Variants in SEMA3A observed in about 807,000 individuals in gnomAD.
SEMA3A encodes semaphorin-3A.
A neutral mutation model predicts 97.9 loss-of-function variants in SEMA3A; 29 were observed. That is an observed-to-expected ratio of 0.30 (90% CI 0.22 to 0.40). SEMA3A has a LOEUF of 0.40. Ranked by LOEUF, SEMA3A falls within the 10% of genes least tolerant of loss-of-function variation. The pLI is 1.00. For missense variants in SEMA3A, 763 were observed against 951.3 expected (o/e 0.80, Z 2.60); for synonymous variants, 321 against 323.7 (o/e 0.99, Z 0.09).
intron 1 of SEMA3A, among the ~76,000 whole-genome samples, chr7:84,433,365 T>C (rs1309000981): frequency 1.3e-5 from 2 of 152,018 alleles, no homozygotes; most frequent in African/African-American, 2.4e-5. Context: ...CTGAGAATGA[T>C]GGTTTCCAGC....
chr7:84,011,689 T>C (rs1218187698), intron 7 of SEMA3A, among the ~76,000 whole-genome samples: 7 of 152,144 alleles, frequency 4.6e-5, no homozygotes, highest in Non-Finnish European at 1.0e-4. Context: ...TTCTTTGAGA[T>C]ATGTTGCACA....
chr7:84,277,417 C>T (rs901456689), intron 3 of SEMA3A, among the ~76,000 whole-genome samples: 1 of 151,974 alleles, frequency 6.6e-6, no homozygotes, highest in African/African-American at 2.4e-5. Context: ...TAGCAAAATC[C>T]ACAAAATAAT....
At chr7:84,136,559 T>A (rs1796130075) in intron 1 of SEMA3A, among the ~76,000 whole-genome samples, 1 of 152,176 alleles carries the variant, frequency 6.6e-6, no homozygotes, top group Non-Finnish European at 1.5e-5. Context: ...CGCTTAAAGC[T>A]AGTTCAAATG....
At chr7:84,425,454 C>A (rs1224847779) in intron 1 of SEMA3A, among the ~76,000 whole-genome samples, 31 of 133,216 alleles carry the variant, frequency 2.3e-4, no homozygotes, top group African/African-American at 8.0e-4. Context: ...TATTTATATG[C>A]ATATAAATAT....
chr7:84,123,610 C>T (rs567005032), intron 3 of SEMA3A, among the ~76,000 whole-genome samples: 6 of 150,242 alleles, frequency 4.0e-5, no homozygotes, highest in South Asian at 2.1e-4. Context: ...TACATGCATG[C>T]GCAGGCACAC....
chr7:84,136,915 A>T (rs1584021087), intron 1 of SEMA3A, among the ~76,000 whole-genome samples: 1 of 150,796 alleles, frequency 6.6e-6, no homozygotes, highest in East Asian at 2.0e-4. Context: ...ACACAAAAAA[A>T]AGAAGAAGGG....
At chr7:84,486,466 C>T (rs1806576068) in intron 1 of SEMA3A, among the ~76,000 whole-genome samples, 1 of 152,118 alleles carries the variant, frequency 6.6e-6, no homozygotes, top group Admixed American at 6.5e-5. Context: ...AAATATTTTA[C>T]AAGTCTACCA....
intron 1 of SEMA3A, among the ~76,000 whole-genome samples, chr7:84,440,391 A>G (rs1025653989): frequency 1.3e-5 from 2 of 152,200 alleles, no homozygotes; most frequent in Admixed American, 6.5e-5. Context: ...CAGGGTAGGT[A>G]AAATGGGTCT....
rs569837117 is a variant in SEMA3A, at chr7:84,066,692, T to C, written c.454-6134A>G. Among the ~76,000 whole-genome samples, 434 of 151,134 alleles carry C rather than the reference T, an allele frequency of 2.9e-3. 2 individuals are homozygous for C. The highest frequency in any genetic ancestry group is 9.9e-3 in the African/African-American group (405 of 40,880). ...CACAATTGCTTCAAAGAGAATAAAA[T>C]ACCTAGGAATCCAACTTACAAAGGA... On this transcript the variant is annotated intron_variant, in intron 4 of 16. Transcript: ENST00000265362.
At chr7:84,331,778 A>G (rs1801914924) in intron 2 of SEMA3A, among the ~76,000 whole-genome samples, 1 of 152,050 alleles carries the variant, frequency 6.6e-6, no homozygotes, top group African/African-American at 2.4e-5. Context: ...AGAGAGAATG[A>G]AGTCTGTGTG....
intron 14 of SEMA3A, 140 bp downstream of exon 14, chr7:83,981,176 AAACGC>A: frequency 1.2e-6 from 1 of 836,458 alleles, no homozygotes; most frequent in Middle Eastern, 3.5e-4. Context: ...AGAAAAAACA[AAACGC>A]AACAATCCCC....
Position 84,382,449 on chromosome 7 carries a change from T to C in SEMA3A, c.-245-10549A>G, listed in dbSNP as rs1167957290. Among the ~76,000 whole-genome samples, 7 of 151,808 alleles carry C rather than the reference T, an allele frequency of 4.6e-5. No individual in the cohort carries two copies. The South Asian group carries it at 8.4e-4, about 18-fold the overall frequency. ...GTAAATGATATATTTTAGATATTAG[T>C]TTTTTATGTATGTCTCTGTGGGTGC... is the stretch of plus-strand genomic sequence containing the variant. On this transcript the variant is annotated intron_variant, in intron 1 of 3. Transcript: ENST00000424555.
chr7:84,406,024 C>A (rs923896687), intron 1 of SEMA3A, among the ~76,000 whole-genome samples: 1 of 151,978 alleles, frequency 6.6e-6, no homozygotes, highest in Non-Finnish European at 1.5e-5. Flanking sequence ...CAAAAGCTAG[C>A]AGAAGGCGAG....
At chr7:83,965,045 T>TA (rs2116261215) in intron 15 of SEMA3A, among the ~76,000 whole-genome samples, 1 of 152,220 alleles carries the variant, frequency 6.6e-6, no homozygotes, top group East Asian at 1.9e-4. Flanking sequence ...AAGTTAATGC[T>TA]ATTTACATTG....
chr7:84,262,302 C>T (rs192088177), intron 3 of SEMA3A, among the ~76,000 whole-genome samples: 2 of 152,216 alleles, frequency 1.3e-5, no homozygotes, highest in East Asian at 3.9e-4. Context: ...GTAACCTCCA[C>T]CTCCCAGGTT....
intron 3 of SEMA3A, among the ~76,000 whole-genome samples, chr7:84,291,424 C>T (rs1052338715): frequency 6.6e-6 from 1 of 151,994 alleles, no homozygotes; most frequent in African/African-American, 2.4e-5. Context: ...AGTGGTGTAT[C>T]TTACATTCAA....
At chr7:84,111,794 T>C (rs752110764) in intron 3 of SEMA3A, among the ~76,000 whole-genome samples, 26 of 152,170 alleles carry the variant, frequency 1.7e-4, no homozygotes, top group Non-Finnish European at 2.9e-4. Flanking sequence ...GGCATTACAA[T>C]GTATAAAATT....
intron 1 of SEMA3A, among the ~76,000 whole-genome samples, chr7:84,137,418 G>T (rs201574693): frequency 9.2e-6 from 1 of 108,266 alleles, no homozygotes. Context: ...AAAAAAAAAA[G>T]AAATGGCATT....
intron 10 of SEMA3A, 109 bp downstream of exon 10, chr7:84,007,244 C>CT (rs34766130): frequency 5.9e-6 from 5 of 853,988 alleles, no homozygotes; most frequent in South Asian, 4.0e-5. Context: ...ATCTTGAAAT[C>CT]TTTTTTCTAC....
Sources: allele counts gnomAD v4.1 joint callset (sites outside exome capture counted in the v4.1 genomes callset), GRCh38; gene constraint gnomAD v4.1.1; transcripts MANE v1.5; gene names NCBI Gene and HGNC (gene_info 2026-07-23, HGNC 2026-07-21).